Variants in MTUS2 observed in about 807,000 individuals in gnomAD.
MTUS2 encodes the protein microtubule-associated tumor suppressor candidate 2.
In MTUS2, 40 loss-of-function variants were observed where a neutral mutation model predicts 114.1. The observed-to-expected ratio is 0.35, with a 90% CI of 0.27 to 0.46. The LOEUF (loss-of-function observed/expected upper bound fraction) is 0.46. MTUS2 is among the 20% of genes least tolerant of loss of function. MTUS2 has a pLI of 1.00. For missense variants in MTUS2, 1,679 were observed against 1,705.4 expected (o/e 0.98, Z 0.27); for synonymous variants, 688 against 672.0 (o/e 1.02, Z -0.37).
chr13:29,360,479 A>G (rs1403196504), intron 8 of MTUS2, among the ~76,000 whole-genome samples: 1 of 152,178 alleles, frequency 6.6e-6, no homozygotes, highest in Non-Finnish European at 1.5e-5. Flanking sequence ...AGCTTTCAAC[A>G]GAAAGAGCCA....
intron 6 of MTUS2, among the ~76,000 whole-genome samples, chr13:29,311,949 C>T (rs1899785433): frequency 6.6e-6 from 1 of 152,152 alleles, no homozygotes; most frequent in African/African-American, 2.4e-5. Context: ...ACAATGTAGG[C>T]TGGGCTCAAA....
intron 5 of MTUS2, among the ~76,000 whole-genome samples, chr13:29,211,380 GC>G (rs1304191368): frequency 6.6e-6 from 1 of 152,306 alleles, no homozygotes; most frequent in Non-Finnish European, 1.5e-5. Context: ...TGCTGAGAAA[GC>G]AAGCGGGACT....
intron 8 of MTUS2, among the ~76,000 whole-genome samples, chr13:29,423,608 G>C (rs1338101235): frequency 1.3e-5 from 2 of 152,086 alleles, no homozygotes; most frequent in Non-Finnish European, 2.9e-5. Flanking sequence ...AAAAACATGA[G>C]TTTATAATTT....
At chr13:29,014,843 T>A (rs1471857003) in intron 2 of MTUS2, among the ~76,000 whole-genome samples, 1 of 152,184 alleles carries the variant, frequency 6.6e-6, no homozygotes, top group African/African-American at 2.4e-5. Context: ...CGCTGCCACG[T>A]ACAGGGAGAA....
intron 7 of MTUS2, among the ~76,000 whole-genome samples, chr13:29,342,823 A>T (rs1458766807): frequency 6.6e-6 from 1 of 151,982 alleles, no homozygotes; most frequent in Non-Finnish European, 1.5e-5. Flanking sequence ...ATTACCTTAA[A>T]GTATGTCCTT....
intron 8 of MTUS2, among the ~76,000 whole-genome samples, chr13:29,375,606 T>C (rs1467047242): frequency 0.019 from 83 of 4,478 alleles, 12 homozygotes; most frequent in African/African-American, 0.04. Context: ...TATATATATA[T>C]ACGTATATAT....
intron 5 of MTUS2, among the ~76,000 whole-genome samples, chr13:29,124,501 C>T (rs1353201633): frequency 6.6e-6 from 1 of 151,784 alleles, no homozygotes; most frequent in East Asian, 1.9e-4. Flanking sequence ...AATGGTGTAC[C>T]CACTATAGAA....
At position 29,024,504 on chromosome 13, in the gene MTUS2, G is replaced by A. The variant is rs1022814746; in HGVS notation, c.-195G>A. On this transcript the variant is annotated 5_prime_UTR_variant, in exon 3 of 16. Coordinates refer to ENST00000612955, the MANE Select transcript of MTUS2 (RefSeq NM_001033602.4). ...CATTCAGCAGGAACCTAACAGATAA[G>A]TCTTCCTGCTGTATATCAAGACAAT... The A allele has an allele frequency of 6.4e-6, 4 of 628,792 alleles. No individual in the cohort carries two copies. Among genetic ancestry groups the A allele is most frequent in the Non-Finnish European group, 1.1e-5 (4 of 368,126 alleles). The allele number at this position is 628,792 out of a possible 1,614,324, so 39.0% of individuals were successfully genotyped here. A position where few individuals can be genotyped will look rare whatever the true frequency, so the allele number is the denominator to read the frequency against.
rs1483023328 is a variant in MTUS2, at chr13:29,033,995, G to C, written c.2316G>C (p.Leu772Phe). The C allele has an allele frequency of 1.2e-6, 2 of 1,613,802 alleles. No individual in the cohort carries two copies. The highest frequency in any genetic ancestry group is 8.5e-7 in the Non-Finnish European group (1 of 1,179,902). Residue 772 changes from leucine to phenylalanine, a missense_variant, in exon 4 of 16, where the codon TTG becomes TTC. Transcript: ENST00000612955. ...SAMLLKPQLG[L>F]GAMSRLPSAK... ...TGCTCCTTAAGCCCCAGCTAGGATTGGGTGCAATGTCCCGTTTACCATCTG... is the reference window on the plus strand; with the variant it reads ...TGCTCCTTAAGCCCCAGCTAGGATTCGGTGCAATGTCCCGTTTACCATCTG...
At chr13:29,095,178 G>C (rs1278857596) in intron 4 of MTUS2, among the ~76,000 whole-genome samples, 1 of 152,042 alleles carries the variant, frequency 6.6e-6, no homozygotes, top group East Asian at 1.9e-4. Flanking sequence ...GTTAGGTTTA[G>C]TTAGTGTTCA....
At chr13:28,989,091 C>T (rs948537757) in intron 2 of MTUS2, among the ~76,000 whole-genome samples, 1 of 152,134 alleles carries the variant, frequency 6.6e-6, no homozygotes, top group Non-Finnish European at 1.5e-5. Flanking sequence ...TTGGCTTAGA[C>T]CTGTCTGCTG....
chr13:28,944,390 A>G (rs1882408506), intron 2 of MTUS2, among the ~76,000 whole-genome samples: 1 of 152,010 alleles, frequency 6.6e-6, no homozygotes, highest in Non-Finnish European at 1.5e-5. Flanking sequence ...TATATATTTA[A>G]GTATAAAATG....
intron 8 of MTUS2, among the ~76,000 whole-genome samples, chr13:29,373,410 AGGACTAACAAGGG>A (rs1303459531): frequency 9.2e-5 from 14 of 152,202 alleles, no homozygotes; most frequent in African/African-American, 3.4e-4. Context: ...TTTTGGCTCG[AGGACTAACAAGGG>A]GGGCACCCAG....
chr13:28,849,694 C>T lies in MTUS2; in HGVS notation c.-243+9844C>T, dbSNP rs573370773. On this transcript the variant is annotated intron_variant, in intron 2 of 15. Coordinates refer to ENST00000612955, the MANE Select transcript of MTUS2 (RefSeq NM_001033602.4). ...CTTGACTTCCCAATTTCTCTCTCAC[C>T]GTTTTCCTGCTTGAACCCTTTGCTC... Among the ~76,000 whole-genome samples the T allele has an allele frequency of 6.6e-5, 10 of 152,130 alleles. No individual in the cohort carries two copies. The East Asian group carries it at 1.4e-3, about 21-fold the overall frequency.
At chr13:29,485,918 G>C (rs1274504288) in intron 10 of MTUS2, among the ~76,000 whole-genome samples, 1 of 149,832 alleles carries the variant, frequency 6.7e-6, no homozygotes, top group African/African-American at 2.5e-5. Context: ...CCTCCAAACA[G>C]TGTGTGGGGT....
At chr13:29,430,929 A>G (rs1876949430) in intron 8 of MTUS2, among the ~76,000 whole-genome samples, 2 of 152,238 alleles carry the variant, frequency 1.3e-5, no homozygotes, top group South Asian at 4.1e-4. Context: ...GAGGCCTGGT[A>G]AAATTGTTGA....
chr13:28,966,872 C>A (rs537858841), intron 2 of MTUS2, among the ~76,000 whole-genome samples: 3 of 151,726 alleles, frequency 2.0e-5, no homozygotes, highest in Non-Finnish European at 4.4e-5. Flanking sequence ...TACAATTGTA[C>A]AGTGTTTCTT....
chr13:29,082,155 G>A (rs1235363197), intron 4 of MTUS2, among the ~76,000 whole-genome samples: 1 of 152,226 alleles, frequency 6.6e-6, no homozygotes, highest in Non-Finnish European at 1.5e-5. Flanking sequence ...CTCTTCTGCT[G>A]TGTGAGGACA....
At position 28,939,332 on chromosome 13, in the gene MTUS2, G is replaced by A. The variant is rs180776308; in HGVS notation, c.-242-85125G>A. Among the ~76,000 whole-genome samples, 208 of 152,258 alleles carry A rather than the reference G, an allele frequency of 1.4e-3. 1 individual carries two copies. The South Asian group carries it at 0.019, about 14-fold the overall frequency. ...GGGAGCAACAGGTAGCTAAAGACTAGGGGCATTTTTAACTGGAGAAATAAA... is the reference window on the plus strand; with the variant it reads ...GGGAGCAACAGGTAGCTAAAGACTAAGGGCATTTTTAACTGGAGAAATAAA... On this transcript the variant is annotated intron_variant, in intron 2 of 15. Coordinates refer to ENST00000612955, the MANE Select transcript of MTUS2 (RefSeq NM_001033602.4).
Sources: allele counts gnomAD v4.1 joint callset (sites outside exome capture counted in the v4.1 genomes callset), GRCh38; gene constraint gnomAD v4.1.1; transcripts MANE v1.5; gene names NCBI Gene and HGNC (gene_info 2026-07-23, HGNC 2026-07-21).